The following ARFIP1 variants were observed in gnomAD, a reference collection of about 807,000 sequenced individuals.
ARFIP1 encodes arfaptin-1.
ARFIP1 carries 24 observed loss-of-function variants against 42.5 expected under a neutral mutation model. The ratio of observed to expected loss-of-function variants is 0.57; its 90% CI spans 0.41 to 0.80. ARFIP1 has a LOEUF of 0.80. ARFIP1 is among the 30% of genes least tolerant of loss of function. The probability of loss-of-function intolerance (pLI) is 0.00; values close to 1 mark genes in which losing one functional copy is unlikely to be tolerated. For synonymous variants in ARFIP1, 141 were observed against 153.7 expected, an observed-to-expected ratio of 0.92 and a Z score of 0.61; for missense variants, 354 against 434.0, an observed-to-expected ratio of 0.82 and a Z score of 1.64.
At chr4:152,846,228 A>G (rs949708465) in intron 2 of ARFIP1, among the ~76,000 whole-genome samples, 4 of 152,182 alleles carry the variant, frequency 2.6e-5, no homozygotes, top group East Asian at 1.9e-4. Context: ...GAAGGGGGCA[A>G]AGGGTGAAAA....
At chr4:152,847,639 TTAATC>T (rs1467363892) in intron 2 of ARFIP1, among the ~76,000 whole-genome samples, 2 of 152,144 alleles carry the variant, frequency 1.3e-5, no homozygotes, top group African/African-American at 2.4e-5. Context: ...GTATTACAAT[TTAATC>T]TAAATAATTC....
chr4:152,829,109 G>C (rs1174822379), intron 1 of ARFIP1, among the ~76,000 whole-genome samples: 1 of 152,130 alleles, frequency 6.6e-6, no homozygotes, highest in African/African-American at 2.4e-5. Flanking sequence ...ACATTGTCTT[G>C]ATTATTGTAG....
intron 1 of ARFIP1, among the ~76,000 whole-genome samples, chr4:152,798,404 C>T (rs1388046275): frequency 1.3e-5 from 2 of 152,074 alleles, no homozygotes; most frequent in South Asian, 2.1e-4. Flanking sequence ...TGAGAAATTA[C>T]GTCCTAATTC....
intron 8 of ARFIP1, 32 bp from the exon 9 acceptor site, chr4:152,910,032 T>C: frequency 1.2e-6 from 2 of 1,606,182 alleles, no homozygotes; most frequent in African/African-American, 1.3e-5. Flanking sequence ...TTGGTGTTAA[T>C]GCTTGGTCTT....
At chr4:152,867,676 C>G (rs1223920818) in intron 3 of ARFIP1, among the ~76,000 whole-genome samples, 3 of 152,114 alleles carry the variant, frequency 2.0e-5, no homozygotes, top group African/African-American at 7.2e-5. Context: ...AATCAGTTGG[C>G]CATCATGAAC....
intron 8 of ARFIP1, among the ~76,000 whole-genome samples, chr4:152,888,869 T>C (rs1406806723): frequency 6.6e-6 from 1 of 152,194 alleles, no homozygotes; most frequent in Non-Finnish European, 1.5e-5. Flanking sequence ...TGGATTCATA[T>C]ACTAATAGGC....
At chr4:152,791,938 A>G (rs1027669743) in intron 1 of ARFIP1, among the ~76,000 whole-genome samples, 10 of 152,208 alleles carry the variant, frequency 6.6e-5, no homozygotes, top group African/African-American at 2.4e-4. Context: ...CTTGCAAAAT[A>G]AATATATTCT....
intron 7 of ARFIP1, among the ~76,000 whole-genome samples, chr4:152,885,425 G>A (rs575575325): frequency 6.6e-6 from 1 of 152,152 alleles, no homozygotes; most frequent in East Asian, 1.9e-4. Flanking sequence ...GTCAATTGTG[G>A]TCGAGACTTT....
At chr4:152,866,185 G>A (rs1295190126) in intron 3 of ARFIP1, among the ~76,000 whole-genome samples, 2 of 152,050 alleles carry the variant, frequency 1.3e-5, no homozygotes, top group African/African-American at 4.8e-5. Flanking sequence ...CAGGGTTGGG[G>A]GTAAGGTCAT....
At chr4:152,803,627 C>A (rs745568043) in intron 1 of ARFIP1, among the ~76,000 whole-genome samples, 2 of 152,022 alleles carry the variant, frequency 1.3e-5, no homozygotes, top group Non-Finnish European at 2.9e-5. Context: ...TATTTTTGGG[C>A]GGTTGATGCC....
intron 2 of ARFIP1, among the ~76,000 whole-genome samples, chr4:152,858,167 C>G (rs974164078): frequency 1.3e-5 from 2 of 152,112 alleles, no homozygotes; most frequent in Non-Finnish European, 2.9e-5. Context: ...TGGTGCATGT[C>G]TGTAATCCCA....
chr4:152,819,594 G>T (rs1010805519), intron 1 of ARFIP1, among the ~76,000 whole-genome samples: 3 of 152,172 alleles, frequency 2.0e-5, no homozygotes, highest in African/African-American at 7.2e-5. Context: ...GGCCCTCAGC[G>T]ACTGCTACTC....
intron 2 of ARFIP1, among the ~76,000 whole-genome samples, chr4:152,831,694 C>G (rs1489051670): frequency 6.6e-6 from 1 of 152,152 alleles, no homozygotes; most frequent in Non-Finnish European, 1.5e-5. Context: ...AGTGTGTACT[C>G]TTTTTCAACT....
chr4:152,864,294 C>A (rs1447009116), intron 3 of ARFIP1, among the ~76,000 whole-genome samples: 1 of 152,174 alleles, frequency 6.6e-6, no homozygotes, highest in African/African-American at 2.4e-5. Context: ...GCTGTTCTTA[C>A]ATGTCTGCCA....
chr4:152,783,639 C>T (rs1212631014), intron 1 of ARFIP1, among the ~76,000 whole-genome samples: 3 of 152,146 alleles, frequency 2.0e-5, no homozygotes, highest in Non-Finnish European at 4.4e-5. Flanking sequence ...TACCATGCGT[C>T]CATTATGTCC....
chr4:152,784,613 C>T (rs111989864), intron 1 of ARFIP1, among the ~76,000 whole-genome samples: 104 of 152,282 alleles, frequency 6.8e-4, no homozygotes, highest in African/African-American at 2.3e-3. Flanking sequence ...GTATGACTGT[C>T]GGTTCAGATT....
At chr4:152,843,041 G>A (rs1037931722) in intron 2 of ARFIP1, among the ~76,000 whole-genome samples, 2 of 152,246 alleles carry the variant, frequency 1.3e-5, no homozygotes, top group Admixed American at 6.5e-5. Context: ...TCTCATTTGG[G>A]TAGGCTCTGT....
chr4:152,841,556 C>G (rs1015541180), intron 2 of ARFIP1, among the ~76,000 whole-genome samples: 5 of 152,018 alleles, frequency 3.3e-5, no homozygotes, highest in Non-Finnish European at 7.4e-5. Flanking sequence ...GATTTAGAGC[C>G]CCTTTCAGCA....
chr4:152,784,365 T>C (rs964176465), intron 1 of ARFIP1, among the ~76,000 whole-genome samples: 1 of 152,244 alleles, frequency 6.6e-6, no homozygotes, highest in Admixed American at 6.5e-5. Context: ...TATTTTCTTT[T>C]TCTTTTTCCT....
Sources: gnomAD v4.1 joint callset for allele counts (sites outside exome capture counted in the v4.1 genomes callset) on GRCh38, gnomAD v4.1.1 for gene constraint, MANE v1.5 for transcripts, NCBI Gene and HGNC (gene_info 2026-07-23, HGNC 2026-07-21) for gene names.